Variants in IQGAP2 observed in about 807,000 individuals in gnomAD.
IQGAP2 encodes ras GTPase-activating-like protein IQGAP2.
Under a neutral mutation model 201.3 loss-of-function variants are expected in IQGAP2, and 173 were observed. The observed-to-expected ratio is 0.86, with a 90% CI of 0.76 to 0.98. The LOEUF (loss-of-function observed/expected upper bound fraction) is 0.98. Among genes scored for constraint, IQGAP2 ranks in the 50% least tolerant of loss-of-function variants. The probability of loss-of-function intolerance (pLI) is 0.00; values close to 1 mark genes in which losing one functional copy is unlikely to be tolerated. For synonymous variants in IQGAP2, 675 were observed against 673.9 expected (o/e 1.00, Z -0.03); for missense variants, 1,687 against 1,864.8 (o/e 0.90, Z 1.76).
chr5:76,692,602 G>A (rs1276292837), intron 30 of IQGAP2, among the ~76,000 whole-genome samples: 1 of 152,132 alleles, frequency 6.6e-6, no homozygotes, highest in East Asian at 1.9e-4. Context: ...GTGGCCAATT[G>A]CCATAAAGAA....
chr5:76,491,432 ATC>A (rs949616410), intron 2 of IQGAP2, among the ~76,000 whole-genome samples: 3 of 152,042 alleles, frequency 2.0e-5, no homozygotes, highest in African/African-American at 7.2e-5. Context: ...AGGGCTTTTT[ATC>A]TGTTTGAGAG....
chr5:76,667,476 T>A (rs1743885197), intron 22 of IQGAP2, among the ~76,000 whole-genome samples: 1 of 152,182 alleles, frequency 6.6e-6, no homozygotes, highest in African/African-American at 2.4e-5. Flanking sequence ...TGTACATACT[T>A]CCTCTATAAC....
intron 2 of IQGAP2, among the ~76,000 whole-genome samples, chr5:76,514,853 A>G (rs1164283767): frequency 6.6e-6 from 1 of 152,154 alleles, no homozygotes; most frequent in East Asian, 1.9e-4. Context: ...CTTTTAATAC[A>G]GTGGGTCCTT....
intron 2 of IQGAP2, among the ~76,000 whole-genome samples, chr5:76,473,762 A>G (rs757164938): frequency 9.9e-5 from 15 of 152,238 alleles, no homozygotes; most frequent in Non-Finnish European, 1.9e-4. Flanking sequence ...TTCATCAATT[A>G]TCTTTTTGGT....
intron 13 of IQGAP2, among the ~76,000 whole-genome samples, chr5:76,622,174 C>T (rs1749759697): frequency 6.6e-6 from 1 of 152,160 alleles, no homozygotes; most frequent in Admixed American, 6.5e-5. Flanking sequence ...CAGAGGCCCC[C>T]GTTTTCACCT....
intron 14 of IQGAP2, among the ~76,000 whole-genome samples, chr5:76,628,387 G>C (rs972420513): frequency 6.6e-6 from 1 of 152,124 alleles, no homozygotes; most frequent in African/African-American, 2.4e-5. Context: ...TCTTTCTGTG[G>C]TTACTTCCCC....
intron 1 of IQGAP2, among the ~76,000 whole-genome samples, chr5:76,428,506 C>T (rs1211549807): frequency 6.7e-6 from 1 of 148,166 alleles, no homozygotes; most frequent in African/African-American, 2.5e-5. Context: ...GGCGCAATCT[C>T]TGCAACCTCC....
chr5:76,540,140 G>A (rs961229399), intron 2 of IQGAP2, among the ~76,000 whole-genome samples: 1 of 152,180 alleles, frequency 6.6e-6, no homozygotes, highest in Non-Finnish European at 1.5e-5. Context: ...ATATAAAGGT[G>A]TGTTCTCTTG....
At chr5:76,665,380 G>A (rs939978095) in intron 22 of IQGAP2, among the ~76,000 whole-genome samples, 4 of 152,178 alleles carry the variant, frequency 2.6e-5, no homozygotes, top group Non-Finnish European at 5.9e-5. Context: ...GAGAGAATGA[G>A]TACTGTTGTT....
intron 33 of IQGAP2, among the ~76,000 whole-genome samples, 189 bp downstream of exon 33, chr5:76,698,336 C>T (rs75220943): frequency 1.3e-5 from 2 of 152,170 alleles, no homozygotes; most frequent in Non-Finnish European, 2.9e-5. Context: ...GAAAGCTTTT[C>T]AATTCCCCAC....
At chr5:76,443,985 G>A (rs541049653) in intron 1 of IQGAP2, among the ~76,000 whole-genome samples, 8 of 152,268 alleles carry the variant, frequency 5.3e-5, no homozygotes, top group South Asian at 4.2e-4. Flanking sequence ...GCTCAGTTTC[G>A]TCTACCAAAT....
At chr5:76,595,291 A>C (rs1317340634) in intron 9 of IQGAP2, among the ~76,000 whole-genome samples, 1 of 45,042 alleles carries the variant, frequency 2.2e-5, no homozygotes, top group East Asian at 6.6e-4. Flanking sequence ...GTCTTATTCT[A>C]TTGCCCAGTC....
rs186787270 is a variant in IQGAP2 at position 76,574,454 on chromosome 5, C to T, written c.382-1239C>T. Reference sequence around the variant, plus strand: ...AAGTAGCTGGGATTACAGGCATGCACCACCACGCCTGGCTAATGTTGGCCA... The same window carrying T: ...AAGTAGCTGGGATTACAGGCATGCATCACCACGCCTGGCTAATGTTGGCCA... On this transcript the variant is annotated intron_variant, in intron 4 of 35. Coordinates refer to ENST00000274364, the MANE Select transcript of IQGAP2 (RefSeq NM_006633.5). Among the ~76,000 whole-genome samples, 766 of 152,234 alleles carry T rather than the reference C, an allele frequency of 5.0e-3. 8 individuals carry two copies. Among genetic ancestry groups the T allele is most frequent in the African/African-American group, 0.018 (729 of 41,522 alleles).
chr5:76,561,149 A>C (rs1424126837), intron 2 of IQGAP2, among the ~76,000 whole-genome samples: 1 of 152,192 alleles, frequency 6.6e-6, no homozygotes, highest in African/African-American at 2.4e-5. Context: ...AAACTCATGA[A>C]TTTTGTATTC....
chr5:76,432,251 A>C (rs963865628), intron 1 of IQGAP2, among the ~76,000 whole-genome samples: 2 of 150,370 alleles, frequency 1.3e-5, no homozygotes, highest in Non-Finnish European at 3.0e-5. Flanking sequence ...CAGCCTCCCA[A>C]ATAGCTGGGA....
chr5:76,596,387 C>T (rs1309669205), intron 9 of IQGAP2, among the ~76,000 whole-genome samples: 3 of 152,186 alleles, frequency 2.0e-5, no homozygotes, highest in Admixed American at 6.5e-5. Flanking sequence ...CCCATTTACT[C>T]AGCAATTTCA....
At chr5:76,442,751 C>T (rs1753123209) in intron 1 of IQGAP2, among the ~76,000 whole-genome samples, 1 of 152,206 alleles carries the variant, frequency 6.6e-6, no homozygotes, top group Admixed American at 6.5e-5. Context: ...CTTTGGGAGG[C>T]TGAGGTGGAC....
intron 2 of IQGAP2, among the ~76,000 whole-genome samples, chr5:76,485,849 A>T (rs1371678161): frequency 2.6e-5 from 4 of 152,326 alleles, no homozygotes; most frequent in African/African-American, 9.6e-5. Context: ...GACCTTTTCC[A>T]ATTGTATTTT....
chr5:76,621,461 A>G (rs1402522824), intron 13 of IQGAP2, among the ~76,000 whole-genome samples: 2 of 152,222 alleles, frequency 1.3e-5, no homozygotes, highest in Non-Finnish European at 2.9e-5. Context: ...ATTTTGGAAA[A>G]GTTCTTGCAT....
Sources: gnomAD v4.1 joint callset for allele counts (sites outside exome capture counted in the v4.1 genomes callset) on GRCh38, gnomAD v4.1.1 for gene constraint, MANE v1.5 for transcripts, NCBI Gene and HGNC (gene_info 2026-07-23, HGNC 2026-07-21) for gene names.